The following TRAM2 variants were observed in gnomAD, a reference collection of about 807,000 sequenced individuals.
The protein encoded by TRAM2 is translocation associated membrane protein 2.
In TRAM2, 12 loss-of-function variants were observed where a neutral mutation model predicts 51.0. That is an observed-to-expected ratio of 0.24 (90% CI 0.15 to 0.38). TRAM2 has a LOEUF of 0.38. TRAM2 is among the 10% of genes least tolerant of loss of function. TRAM2 has a pLI of 1.00. For synonymous variants in TRAM2, 175 were observed against 179.4 expected (o/e 0.98, Z 0.20); for missense variants, 361 against 462.0 (o/e 0.78, Z 2.00).
intron 1 of TRAM2, among the ~76,000 whole-genome samples, chr6:52,556,595 T>G (rs1041681445): frequency 6.6e-6 from 1 of 151,778 alleles, no homozygotes; most frequent in African/African-American, 2.4e-5. Flanking sequence ...TCTGTAAATT[T>G]CTTAACAGTC....
chr6:52,510,598 A>G (rs534081865), intron 4 of TRAM2, among the ~76,000 whole-genome samples: 65 of 152,208 alleles, frequency 4.3e-4, no homozygotes, highest in Non-Finnish European at 8.4e-4. Context: ...AAAGACTAGA[A>G]AGTGTTTGCT....
rs774955626 is a variant in TRAM2, at chr6:52,506,116, A to G, written c.647T>C (p.Ile216Thr). Residue 216 changes from isoleucine to threonine, a missense_variant, in exon 8 of 11, where the codon ATC becomes ACC. Ile to Thr is a moderately conservative substitution (Grantham distance 89). Coordinates refer to ENST00000182527, the MANE Select transcript of TRAM2 (RefSeq NM_012288.4). ...AGTTGAGTACTGCAGCAGCAGCAAG[A>G]TCAGGCCCAGGCGGCTCAGGCTGGG... The part of the protein sequence containing the change: ...YLLNLSRLGL[I>T]LLLLQYSTEF... 1 of 1,614,038 alleles carries G rather than the reference A, an allele frequency of 6.2e-7. No homozygotes were observed. The highest frequency in any genetic ancestry group is 1.7e-5 in the Admixed American group (1 of 60,020).
intron 1 of TRAM2, among the ~76,000 whole-genome samples, chr6:52,572,879 G>C (rs1398706395): frequency 2.0e-5 from 3 of 152,154 alleles, no homozygotes; most frequent in Non-Finnish European, 4.4e-5. Flanking sequence ...CAGGGAAGAA[G>C]GTGGTTCCTG....
rs561426730 is a variant in TRAM2 at position 52,554,368 on chromosome 6, T to A, written c.121-18522A>T. On this transcript the variant is annotated intron_variant, in intron 1 of 10. Coordinates refer to ENST00000182527, the MANE Select transcript of TRAM2 (RefSeq NM_012288.4). ...GGTGAAAACCTGTCTCTACTAAAAATACAAAATTAGGCGTGGTGGTGCGTG... is the reference window on the plus strand; with the variant it reads ...GGTGAAAACCTGTCTCTACTAAAAAAACAAAATTAGGCGTGGTGGTGCGTG... Among the ~76,000 whole-genome samples, 10 of 151,702 alleles carry A rather than the reference T, an allele frequency of 6.6e-5. 1 individual carries two copies. The South Asian group carries it at 2.1e-3, about 32-fold the overall frequency.
chr6:52,536,173 T>C (rs1218380935), intron 1 of TRAM2, among the ~76,000 whole-genome samples: 1 of 152,214 alleles, frequency 6.6e-6, no homozygotes, highest in East Asian at 1.9e-4. Flanking sequence ...ATCAGTTTAG[T>C]TCTGTGCATC....
intron 1 of TRAM2, among the ~76,000 whole-genome samples, chr6:52,562,118 A>G (rs1767512282): frequency 6.6e-6 from 1 of 152,222 alleles, no homozygotes; most frequent in Non-Finnish European, 1.5e-5. Flanking sequence ...ATCAACTGGT[A>G]ATTCCACTTT....
In TRAM2 at chr6:52,509,656, C is replaced by A; in HGVS notation, c.412-70G>T. On this transcript the variant is annotated intron_variant, in intron 4 of 10. Transcript: ENST00000182527. The stretch of plus-strand genomic sequence containing the variant: ...GACCTGCTGGGGCCCTGGGACCGGT[C>A]CAGGGGTCAGGGATGCATCCAGTCC... The A allele has an allele frequency of 2.7e-6, 4 of 1,473,996 alleles. No homozygotes were observed. The South Asian group carries it at 4.6e-5, about 17-fold the overall frequency. 91.3% of individuals were successfully genotyped at this position (1,473,996 alleles called of 1,614,324 possible).
chr6:52,539,494 AT>A (rs370307761), intron 1 of TRAM2, among the ~76,000 whole-genome samples: 2 of 151,814 alleles, frequency 1.3e-5, no homozygotes, highest in Non-Finnish European at 2.9e-5. Context: ...GAGGGCCAAG[AT>A]TTTTTTTCTT....
At chr6:52,564,454 T>G (rs372617776) in intron 1 of TRAM2, among the ~76,000 whole-genome samples, 1 of 152,120 alleles carries the variant, frequency 6.6e-6, no homozygotes, top group Non-Finnish European at 1.5e-5. Flanking sequence ...ACAGAGACAC[T>G]TGCCATATTC....
Position 52,503,255 on chromosome 6 carries a change from C to T in TRAM2, c.1055G>A (p.Gly352Glu), listed in dbSNP as rs140201298. 1.9e-6 allele frequency: 3 copies of T among 1,614,024 alleles called. No homozygotes were observed. Among genetic ancestry groups the T allele is most frequent in the Admixed American group, 3.3e-5 (2 of 60,014 alleles). The change falls in exon 11 of 11, where the codon GGA (glycine) becomes GAA (glutamate). Residue 352 changes from glycine (G) to glutamate (E), a missense_variant. Coordinates refer to ENST00000182527, the MANE Select transcript of TRAM2 (RefSeq NM_012288.4). Reference sequence around the variant, plus strand: ...GGTTCCGTTCTCTGCCTTCACCACTCCATTTTCATGGTAACCTGGGAAGTG... The same window carrying T: ...GGTTCCGTTCTCTGCCTTCACCACTTCATTTTCATGGTAACCTGGGAAGTG... ...IKRESGYHEN[G>E]VVKAENGTSP...
rs183634392 is a variant in TRAM2, at chr6:52,506,156, G to C, written c.627-20C>G. Reference sequence around the variant, plus strand: ...CTCAGGCTGGGGGTGGGGAAGACTAGACTTACATTCCCTCCAAGATGCTGC... The same window carrying C: ...CTCAGGCTGGGGGTGGGGAAGACTACACTTACATTCCCTCCAAGATGCTGC... On this transcript the variant is annotated intron_variant, in intron 7 of 10. Coordinates refer to ENST00000182527, the MANE Select transcript of TRAM2 (RefSeq NM_012288.4). The C allele has an allele frequency of 9.9e-5, 159 of 1,606,640 alleles. No homozygotes were observed. The highest frequency in any genetic ancestry group is 4.2e-4 in the Admixed American group (25 of 60,022).
chr6:52,574,487 A>G (rs1248700529), intron 1 of TRAM2, among the ~76,000 whole-genome samples: 1 of 152,188 alleles, frequency 6.6e-6, no homozygotes, highest in Non-Finnish European at 1.5e-5. Flanking sequence ...TCTCCCAGAG[A>G]AGCACAGACT....
rs761724888 is a variant in TRAM2 at position 52,515,957 on chromosome 6, G to GC, written c.411+48dup. ...GATTAGCAATCCCAGAGCTGGAATT[G>GC]CCCCTTGGTTTGAGCTCTCCCGCTT... is the stretch of plus-strand genomic sequence containing the variant. On this transcript the variant is annotated intron_variant, in intron 4 of 10. Transcript: ENST00000182527. 2.0e-6 allele frequency: 3 copies of GC among 1,514,864 alleles called. No individual in the cohort carries two copies. The South Asian group carries it at 3.4e-5, about 17-fold the overall frequency. The allele number at this position is 1,514,864 out of a possible 1,614,324, so 93.8% of individuals were successfully genotyped here.
At chr6:52,534,621 T>C (rs1766948548) in intron 2 of TRAM2, among the ~76,000 whole-genome samples, 1 of 152,200 alleles carries the variant, frequency 6.6e-6, no homozygotes, top group Admixed American at 6.5e-5. Flanking sequence ...CGCATGGTGT[T>C]TGCAGAATTT....
At chr6:52,520,635 A>C (rs768309917) in intron 2 of TRAM2, among the ~76,000 whole-genome samples, 2 of 152,180 alleles carry the variant, frequency 1.3e-5, no homozygotes, top group African/African-American at 2.4e-5. Flanking sequence ...TCATGAGATA[A>C]GCAAGGAAAG....
chr6:52,531,752 C>T (rs1333960753), intron 2 of TRAM2, among the ~76,000 whole-genome samples: 1 of 152,194 alleles, frequency 6.6e-6, no homozygotes, highest in Non-Finnish European at 1.5e-5. Flanking sequence ...CATCTTCTGT[C>T]GCCACCCCTT....
At chr6:52,517,933 A>C (rs998000150) in intron 2 of TRAM2, among the ~76,000 whole-genome samples, 3 of 152,198 alleles carry the variant, frequency 2.0e-5, no homozygotes, top group Non-Finnish European at 4.4e-5. Flanking sequence ...GACAGAGAGA[A>C]CATGATCTTG....
chr6:52,513,061 C>T (rs1766478879), intron 4 of TRAM2, among the ~76,000 whole-genome samples: 1 of 152,166 alleles, frequency 6.6e-6, no homozygotes, highest in Non-Finnish European at 1.5e-5. Context: ...TTTCCCTCAA[C>T]AATGAGTAGT....
chr6:52,554,906 T>C (rs1363984070), intron 1 of TRAM2, among the ~76,000 whole-genome samples: 1 of 151,792 alleles, frequency 6.6e-6, no homozygotes, highest in African/African-American at 2.4e-5. Context: ...GTAGCTGAGG[T>C]ACACGCCACC....
Sources: gnomAD v4.1 joint callset for allele counts (sites outside exome capture counted in the v4.1 genomes callset) on GRCh38, gnomAD v4.1.1 for gene constraint, MANE v1.5 for transcripts, NCBI Gene and HGNC (gene_info 2026-07-23, HGNC 2026-07-21) for gene names.